Variants in ACACA observed in about 807,000 individuals in gnomAD.
The protein encoded by ACACA is acetyl-CoA carboxylase 1.
Under a neutral mutation model 296.1 loss-of-function variants are expected in ACACA, and 103 were observed. The observed-to-expected ratio is 0.35, with a 90% CI of 0.30 to 0.41. The LOEUF (loss-of-function observed/expected upper bound fraction) is 0.41. Among genes scored for constraint, ACACA ranks in the 10% least tolerant of loss-of-function variants. The pLI is 1.00. For missense variants in ACACA, 1,554 were observed against 2,989.7 expected (o/e 0.52, Z 11.20); for synonymous variants, 953 against 1,038.6 (o/e 0.92, Z 1.58).
At chr17:37,405,439 A>T (rs2051443411) in intron 1 of ACACA, among the ~76,000 whole-genome samples, 1 of 152,236 alleles carries the variant, frequency 6.6e-6, no homozygotes, top group Non-Finnish European at 1.5e-5. Context: ...GGATACATCA[A>T]ATGTAAAATA....
At position 37,085,189 on chromosome 17, in the gene ACACA, T is replaced by C. The variant is rs2072119003; in HGVS notation, c.*2127A>G. 1 of 159,706 alleles carries C rather than the reference T, an allele frequency of 6.3e-6. No individual in the cohort carries two copies. The highest frequency in any genetic ancestry group is 1.4e-5 in the Non-Finnish European group (1 of 73,398). The allele number at this position is 159,706 out of a possible 1,614,324, so 9.9% of individuals were successfully genotyped here. A position where few individuals can be genotyped will look rare whatever the true frequency, so the allele number is the denominator to read the frequency against. ...ATCATTTATACTCCTCCTGCCTTAGTAGCCTTGCATGTTTGAGGGGCTGTG... is the reference window on the plus strand; with the variant it reads ...ATCATTTATACTCCTCCTGCCTTAGCAGCCTTGCATGTTTGAGGGGCTGTG... On this transcript the variant is annotated 3_prime_UTR_variant, in exon 56 of 56. Coordinates refer to ENST00000616317, the MANE Select transcript of ACACA (RefSeq NM_198834.3).
At position 37,136,966 on chromosome 17, in the gene ACACA, AAAAAC is replaced by A. The variant is rs953043360; in HGVS notation, c.5680-6753_5680-6749del. On this transcript the variant is annotated intron_variant, in intron 45 of 55. Transcript: ENST00000616317. ...TCAAAAAAAAAAAAAGCAAAAAACA[AAAAAC>A]AAAACAAAAAACACCATTTAGTGGT... Among the ~76,000 whole-genome samples the A allele has an allele frequency of 5.3e-5, 8 of 152,002 alleles. No homozygotes were observed. In the East Asian group the frequency reaches 7.7e-4, roughly 15 times the overall value.
chr17:37,389,118 G>T, intron 1 of ACACA: 5 of 1,244,950 alleles, frequency 4.0e-6, no homozygotes, highest in Non-Finnish European at 5.5e-6. Context: ...AGGAAGGATA[G>T]GTCCAATAGG....
chr17:37,088,841 T>C (rs2072406312), intron 55 of ACACA, 97 bp downstream of exon 55: 2 of 1,490,236 alleles, frequency 1.3e-6, no homozygotes, highest in African/African-American at 1.4e-5. Flanking sequence ...GCAGAGATCA[T>C]AAGATTTCTG....
chr17:37,324,531 A>G (rs1438838177), intron 3 of ACACA, among the ~76,000 whole-genome samples: 3 of 143,322 alleles, frequency 2.1e-5, no homozygotes, highest in South Asian at 2.3e-4. Flanking sequence ...TTAGCCAGGC[A>G]TGGTGGCACA....
chr17:37,190,629 C>G (rs1475906994), intron 38 of ACACA, among the ~76,000 whole-genome samples: 1 of 152,162 alleles, frequency 6.6e-6, no homozygotes, highest in Non-Finnish European at 1.5e-5. Flanking sequence ...GCCAAATTCT[C>G]TCCCTGTGGA....
At chr17:37,255,313 T>C (rs1212774196) in intron 14 of ACACA, among the ~76,000 whole-genome samples, 2 of 152,146 alleles carry the variant, frequency 1.3e-5, no homozygotes, top group African/African-American at 4.8e-5. Flanking sequence ...CTGGAATATA[T>C]GAGTTGGGGC....
chr17:37,234,916 A>G lies in ACACA; in HGVS notation c.3246+59T>C, dbSNP rs2080035539. 3 of 1,604,048 alleles carry G rather than the reference A, an allele frequency of 1.9e-6. No individual in the cohort carries two copies. In the South Asian group the frequency reaches 3.3e-5, roughly 18 times the overall value. On this transcript the variant is annotated intron_variant, in intron 25 of 55. Coordinates refer to ENST00000616317, the MANE Select transcript of ACACA (RefSeq NM_198834.3). ...TCTCTGGCCATAGCCATCAAAAGGA[A>G]AAAAATACTTTTTGCATATCATTGA...
chr17:37,124,052 C>T (rs879506332), intron 48 of ACACA, among the ~76,000 whole-genome samples: 38 of 152,246 alleles, frequency 2.5e-4, no homozygotes, highest in Non-Finnish European at 4.0e-4. Context: ...AGACAATTTA[C>T]AGCCAATAGC....
intron 3 of ACACA, among the ~76,000 whole-genome samples, chr17:37,287,590 A>AAAC (rs1264156932): frequency 0.022 from 3,228 of 144,180 alleles, 117 homozygotes; most frequent in African/African-American, 0.049. Flanking sequence ...AAAAAAAAAA[A>AAAC]CAAATATCCA....
chr17:37,100,925 T>C (rs2073323919), intron 52 of ACACA, among the ~76,000 whole-genome samples: 1 of 152,022 alleles, frequency 6.6e-6, no homozygotes, highest in Non-Finnish European at 1.5e-5. Flanking sequence ...GGCAAGACCT[T>C]GTCTCTACTA....
At chr17:37,310,836 A>G (rs1881268153) in intron 3 of ACACA, among the ~76,000 whole-genome samples, 1 of 151,862 alleles carries the variant, frequency 6.6e-6, no homozygotes, top group Non-Finnish European at 1.5e-5. Context: ...TATATCAAGT[A>G]AAAAGATAAG....
intron 1 of ACACA, among the ~76,000 whole-genome samples, chr17:37,380,954 T>A (rs1240390473): frequency 3.3e-5 from 5 of 151,586 alleles, no homozygotes. Context: ...TCAAACAGTA[T>A]AGATTTATAG....
chr17:37,192,414 G>T, intron 36 of ACACA, 109 bp from the exon 37 acceptor site: 1 of 1,048,462 alleles, frequency 9.5e-7, no homozygotes, highest in Non-Finnish European at 1.4e-6. Flanking sequence ...AAGCTATGAT[G>T]TGCTAATGAG....
intron 1 of ACACA, among the ~76,000 whole-genome samples, chr17:37,366,634 A>G (rs944412086): frequency 6.6e-6 from 1 of 151,944 alleles, no homozygotes; most frequent in Non-Finnish European, 1.5e-5. Context: ...ACGCCTGGCT[A>G]ATTTTTGTAT....
At chr17:37,248,761 G>C (rs983310196) in intron 16 of ACACA, 87 bp from the exon 17 acceptor site, 1 of 1,000,970 alleles carries the variant, frequency 1.0e-6, no homozygotes, top group Non-Finnish European at 1.6e-6. Flanking sequence ...GCATTTCCTA[G>C]AATAACAAAA....
At chr17:37,378,060 C>A in intron 1 of ACACA, 1 of 1,126,088 alleles carries the variant, frequency 8.9e-7, no homozygotes, top group Non-Finnish European at 1.3e-6. Context: ...TAGCCCATAT[C>A]TCAAATATCC....
chr17:37,406,303 CTCA>C lies in ACACA; in HGVS notation c.-7_-5del. 6.2e-7 allele frequency: 1 copy of C among 1,614,234 alleles called. No homozygotes were observed. Among genetic ancestry groups the C allele is most frequent in the Non-Finnish European group, 8.5e-7 (1 of 1,180,022 alleles). ...ACATCAGAGTAGACCACCACATCCT[CTCA>C]TCATTGCGCCTCAATTTGGGCCTCT... On this transcript the variant is annotated 5_prime_UTR_variant, in exon 1 of 56. The change abolishes an upstream ATG in the 5' untranslated region. Coordinates refer to ENST00000616317, the MANE Select transcript of ACACA (RefSeq NM_198834.3).
intron 3 of ACACA, among the ~76,000 whole-genome samples, chr17:37,324,157 G>A (rs1010157871): frequency 2.6e-5 from 4 of 151,968 alleles, no homozygotes; most frequent in Non-Finnish European, 5.9e-5. Flanking sequence ...ACCTGAGGTC[G>A]GGAATTCAAG....
Sources: gnomAD v4.1 joint callset for allele counts (sites outside exome capture counted in the v4.1 genomes callset) on GRCh38, gnomAD v4.1.1 for gene constraint, MANE v1.5 for transcripts, NCBI Gene and HGNC (gene_info 2026-07-23, HGNC 2026-07-21) for gene names.